Variants in HS3ST4 observed in about 807,000 individuals in gnomAD.
HS3ST4 encodes heparan sulfate glucosamine 3-O-sulfotransferase 4.
Under a neutral mutation model 29.2 loss-of-function variants are expected in HS3ST4, and 17 were observed. The ratio of observed to expected loss-of-function variants is 0.58; its 90% confidence interval spans 0.40 to 0.87. The LOEUF (loss-of-function observed/expected upper bound fraction) is 0.87, where lower values mean the gene tolerates loss of function less well. Ranked by LOEUF, HS3ST4 falls within the 40% of genes least tolerant of loss-of-function variation. The pLI, the probability that HS3ST4 is intolerant of heterozygous loss-of-function variation, is 0.00. For synonymous variants in HS3ST4, 314 were observed against 285.7 expected, an observed-to-expected ratio of 1.10 and a Z score of -1.00; for missense variants, 627 against 634.5, an observed-to-expected ratio of 0.99 and a Z score of 0.13.
At chr16:26,079,889 A>G (rs1898705532) in intron 1 of HS3ST4, among the ~76,000 whole-genome samples, 1 of 152,180 alleles carries the variant, frequency 6.6e-6, no homozygotes, top group Non-Finnish European at 1.5e-5. Context: ...GGGATCCGCT[A>G]CTTTCTGAGC....
intron 1 of HS3ST4, among the ~76,000 whole-genome samples, chr16:26,065,969 T>C (rs1483442269): frequency 6.6e-6 from 1 of 152,242 alleles, no homozygotes; most frequent in African/African-American, 2.4e-5. Context: ...CTACATCACG[T>C]ATACGTTAAT....
At chr16:25,702,717 CAG>C (rs1016870112) in intron 1 of HS3ST4, among the ~76,000 whole-genome samples, 4 of 152,084 alleles carry the variant, frequency 2.6e-5, no homozygotes, top group African/African-American at 9.7e-5. Flanking sequence ...TTTTATTTGA[CAG>C]AGGAAAGGGT....
chr16:25,991,305 G>A lies in HS3ST4; in HGVS notation c.735-144307G>A, dbSNP rs79406534. Among the ~76,000 whole-genome samples, 10 of 152,288 alleles carry A rather than the reference G, an allele frequency of 6.6e-5. No homozygotes were observed. In the East Asian group the frequency reaches 1.9e-3, roughly 29 times the overall value. ...AGGTAGCAACTCAAAGGAAATATTA[G>A]GAGCATTAAGTTTTATATTGGTGCC... On this transcript the variant is annotated intron_variant, in intron 1 of 1. Transcript: ENST00000331351.
At chr16:26,021,386 C>T (rs1283989081) in intron 1 of HS3ST4, among the ~76,000 whole-genome samples, 1 of 152,202 alleles carries the variant, frequency 6.6e-6, no homozygotes, top group East Asian at 1.9e-4. Flanking sequence ...TTCCTGTTGA[C>T]TTCTGTCCTC....
rs112569573 is a variant in HS3ST4, at chr16:26,033,514, C to CA, written c.735-102082dup. Among the ~76,000 whole-genome samples the CA allele has an allele frequency of 6.8e-3, 773 of 113,274 alleles. 5 individuals are homozygous for CA. The highest frequency in any genetic ancestry group is 0.023 in the African/African-American group (659 of 29,202). The allele number at this position is 113,274 out of a possible 152,430, so 74.3% of individuals were successfully genotyped here. A position where few individuals can be genotyped will look rare whatever the true frequency, so the allele number is the denominator to read the frequency against. On this transcript the variant is annotated intron_variant, in intron 1 of 1. Transcript: ENST00000331351. ...TGGGTGACTGTGTGAGACTCTGTCT[C>CA]AAAAAAAAAAAAAAAAGGAAAACAA...
In HS3ST4 at chr16:25,769,837, C is replaced by T. The variant is rs1167501506; in HGVS notation, c.734+76686C>T. On this transcript the variant is annotated intron_variant, in intron 1 of 1. Coordinates refer to ENST00000331351, the MANE Select transcript of HS3ST4 (RefSeq NM_006040.3). ...ATGCCAGAGATGAACCTGATATTTA[C>T]AAGGTTGTAGCCAACACAGGGGCAA... Among the ~76,000 whole-genome samples the T allele has an allele frequency of 4.6e-5, 7 of 151,468 alleles. No individual in the cohort carries two copies. The South Asian group carries it at 1.3e-3, about 27-fold the overall frequency.
chr16:25,826,364 G>C (rs1967214940), intron 1 of HS3ST4: 1 of 152,150 alleles, frequency 6.6e-6, no homozygotes, highest in East Asian at 1.9e-4. Flanking sequence ...TGAGGTACTG[G>C]AGGTTAACTT....
At chr16:25,841,727 C>T (rs1400478376) in intron 1 of HS3ST4, among the ~76,000 whole-genome samples, 2 of 152,124 alleles carry the variant, frequency 1.3e-5, no homozygotes, top group Non-Finnish European at 2.9e-5. Context: ...AATTGTCTTC[C>T]AGTCTATGAG....
chr16:25,828,260 CTT>C (rs1491247530), intron 1 of HS3ST4, among the ~76,000 whole-genome samples: 1 of 78,898 alleles, frequency 1.3e-5, no homozygotes, highest in Non-Finnish European at 2.5e-5. Context: ...TTCTTTCTTT[CTT>C]TCTTTCTTTC....
At chr16:26,045,860 T>C (rs1243038978) in intron 1 of HS3ST4, among the ~76,000 whole-genome samples, 1 of 152,220 alleles carries the variant, frequency 6.6e-6, no homozygotes, top group African/African-American at 2.4e-5. Context: ...ATATTTTAAC[T>C]CTCTTTATTT....
At chr16:26,065,482 G>T (rs890722286) in intron 1 of HS3ST4, among the ~76,000 whole-genome samples, 2 of 152,206 alleles carry the variant, frequency 1.3e-5, no homozygotes, top group African/African-American at 4.8e-5. Context: ...GAGGCTGGAG[G>T]GTGGGAGGAG....
intron 1 of HS3ST4, among the ~76,000 whole-genome samples, chr16:25,731,542 T>A (rs181442477): frequency 4.2e-4 from 64 of 150,992 alleles, no homozygotes; most frequent in African/African-American, 1.6e-3. Flanking sequence ...AGTCTTGCTA[T>A]GTTGCCCAGG....
intron 1 of HS3ST4, among the ~76,000 whole-genome samples, chr16:26,128,996 C>T (rs1899382946): frequency 6.6e-6 from 1 of 152,180 alleles, no homozygotes. Context: ...ATGTAAGATG[C>T]CCACACACCT....
chr16:26,108,491 A>G (rs1220227460), intron 1 of HS3ST4, among the ~76,000 whole-genome samples: 1 of 152,212 alleles, frequency 6.6e-6, no homozygotes, highest in Admixed American at 6.5e-5. Flanking sequence ...TTGCTTATAA[A>G]TCAAAAGGCA....
rs139355640 is a variant in HS3ST4, at chr16:26,043,104, T to A, written c.735-92508T>A. Among the ~76,000 whole-genome samples, 183 of 152,282 alleles carry A rather than the reference T, an allele frequency of 1.2e-3. 1 individual carries two copies. The highest frequency in any genetic ancestry group is 3.4e-3 in the Middle Eastern group (1 of 294). On this transcript the variant is annotated intron_variant, in intron 1 of 1. Coordinates refer to ENST00000331351, the MANE Select transcript of HS3ST4 (RefSeq NM_006040.3). Reference sequence around the variant, plus strand: ...ATGGTATTGCTGTGTGTTCTCAATATCTATATACCTACCTACCTGTGCGTG... The same window carrying A: ...ATGGTATTGCTGTGTGTTCTCAATAACTATATACCTACCTACCTGTGCGTG...
At chr16:25,710,355 G>A (rs990672960) in intron 1 of HS3ST4, among the ~76,000 whole-genome samples, 29 of 152,098 alleles carry the variant, frequency 1.9e-4, no homozygotes, top group Non-Finnish European at 5.9e-5. Flanking sequence ...AATTCCTGGG[G>A]GAACCTGAGG....
intron 1 of HS3ST4, among the ~76,000 whole-genome samples, chr16:25,863,858 A>G (rs929380013): frequency 6.6e-6 from 1 of 152,238 alleles, no homozygotes; most frequent in South Asian, 2.1e-4. Flanking sequence ...GATGCCAATA[A>G]CAAAATATCA....
intron 1 of HS3ST4, among the ~76,000 whole-genome samples, chr16:26,049,470 C>CTGTGTGTGTGTGTGTG (rs113562359): frequency 6.9e-6 from 1 of 144,982 alleles, no homozygotes; most frequent in African/African-American, 2.6e-5. Context: ...ATGCGTGCCT[C>CTGTGTGTGTGTGTGTG]TGTGTGTGTG....
intron 1 of HS3ST4, among the ~76,000 whole-genome samples, chr16:26,021,822 A>G (rs1969416473): frequency 1.3e-5 from 2 of 151,036 alleles, no homozygotes; most frequent in Non-Finnish European, 3.0e-5. Flanking sequence ...TGCTGCCACA[A>G]CCAGCTAATT....
Sources: allele counts gnomAD v4.1 joint callset (sites outside exome capture counted in the v4.1 genomes callset), GRCh38; gene constraint gnomAD v4.1.1; transcripts MANE v1.5; gene names NCBI Gene and HGNC (gene_info 2026-07-23, HGNC 2026-07-21).